STARD13: variants seen among roughly 807,000 people sequenced by gnomAD.
STARD13 encodes the protein StAR related lipid transfer domain containing 13, also known as stAR-related lipid transfer protein 13.
STARD13 carries 62 observed loss-of-function variants against 106.4 expected under a neutral mutation model. The ratio of observed to expected loss-of-function variants is 0.58; its 90% CI spans 0.48 to 0.72. The LOEUF (loss-of-function observed/expected upper bound fraction) is 0.72. Ranked by LOEUF, STARD13 falls within the 30% of genes least tolerant of loss-of-function variation. The pLI is 0.00. For synonymous variants in STARD13, 565 were observed against 553.0 expected (o/e 1.02, Z -0.31); for missense variants, 1,387 against 1,424.0 (o/e 0.97, Z 0.42).
chr13:33,473,789 T>C, the STARD13 span, among the ~76,000 whole-genome samples: 1 of 152,172 alleles, frequency 6.6e-6, no homozygotes, highest in East Asian at 1.9e-4. Flanking sequence ...CTAGGAAGAA[T>C]GGTTTTTAAC....
the STARD13 span, among the ~76,000 whole-genome samples, chr13:33,585,459 C>T: frequency 6.6e-6 from 1 of 151,990 alleles, no homozygotes; most frequent in Non-Finnish European, 1.5e-5. Context: ...TTTAGGAGGC[C>T]AAGACAGGTG....
intron 1 of STARD13, among the ~76,000 whole-genome samples, chr13:33,234,865 C>G (rs1055719505): frequency 6.6e-6 from 1 of 152,190 alleles, no homozygotes; most frequent in Non-Finnish European, 1.5e-5. Flanking sequence ...ATCTTTATTC[C>G]TTCTCTGATT....
At chr13:33,258,473 G>A (rs7326425) in intron 1 of STARD13, among the ~76,000 whole-genome samples, 30,122 of 151,076 alleles carry the variant, frequency 0.2, 3,369 homozygotes, top group African/African-American at 0.28. Flanking sequence ...TGGAGATTAG[G>A]AAGAAAGAAA....
chr13:33,185,683 G>T (rs1885691082), intron 1 of STARD13, among the ~76,000 whole-genome samples: 1 of 152,146 alleles, frequency 6.6e-6, no homozygotes, highest in African/African-American at 2.4e-5. Flanking sequence ...TGTCTAGAAT[G>T]ACATTCTTCT....
the STARD13 span, among the ~76,000 whole-genome samples, chr13:33,658,532 A>T: frequency 6.6e-6 from 1 of 152,194 alleles, no homozygotes; most frequent in African/African-American, 2.4e-5. Flanking sequence ...TCACTTGTCA[A>T]TTTAGGGACA....
chr13:33,109,639 CCA>C (rs886299361), intron 12 of STARD13, among the ~76,000 whole-genome samples: 13 of 152,184 alleles, frequency 8.5e-5, no homozygotes, highest in African/African-American at 3.1e-4. Flanking sequence ...ACTGTGTGCT[CCA>C]CAAGGAGAGG....
At chr13:33,449,729 C>A in the STARD13 span, among the ~76,000 whole-genome samples, 1 of 152,224 alleles carries the variant, frequency 6.6e-6, no homozygotes. Flanking sequence ...TATTGCAATT[C>A]ATGAACACAG....
Position 33,285,628 on chromosome 13 carries a change from T to A in STARD13, c.11A>T (p.Gln4Leu). 1 of 1,613,012 alleles carries A rather than the reference T, an allele frequency of 6.2e-7. No individual in the cohort carries two copies. Among genetic ancestry groups the A allele is most frequent in the Non-Finnish European group, 8.5e-7 (1 of 1,179,840 alleles). MFS[Q>L]VPRTPASGCY... ...GCCTGAGGCTGGGGTCCTGGGCACC[T>A]GACTGAACATCTCGGCAGATTTCCT... Residue 4 changes from glutamine to leucine, a missense_variant, in exon 1 of 14, where the codon CAG becomes CTG. Physicochemically the swap from Gln to Leu is moderately radical, Grantham distance 113. Transcript: ENST00000336934.
chr13:33,186,146 A>AGCCTCCACACTTCCTTTCCTC lies in STARD13; in HGVS notation c.170-18545_170-18525dup, dbSNP rs1566060087. 10 of 1,142,816 alleles carry AGCCTCCACACTTCCTTTCCTC rather than the reference A, an allele frequency of 8.8e-6. No homozygotes were observed. In the Admixed American group the frequency reaches 1.7e-4, roughly 19 times the overall value. The allele number at this position is 1,142,816 out of a possible 1,614,324, so 70.8% of individuals were successfully genotyped here. A position where few individuals can be genotyped will look rare whatever the true frequency, so the allele number is the denominator to read the frequency against. ...CTGCGAAGCCTCAGCTGAGATTCCA[A>AGCCTCCACACTTCCTTTCCTC]GCCTCCACACTTCCTTTCCTCATTG... On this transcript the variant is annotated intron_variant, in intron 1 of 13. Coordinates refer to ENST00000336934, the MANE Select transcript of STARD13 (RefSeq NM_178006.4).
chr13:33,112,783 C>T lies in STARD13; in HGVS notation c.2430G>A (p.Leu810=). The change falls in exon 9 of 14, where the codon CTG becomes CTA. Residue 810 remains leucine, a synonymous_variant. Transcript: ENST00000336934. The part of the protein sequence containing the change: ...VEENQMTPMN[L]AVCLAPSLFH... The stretch of plus-strand genomic sequence containing the variant: ...AGAGGGAGGGGGCCAGACACACTGC[C>T]AGGTTCATGGGCGTCATCTGATTCT... 6.2e-7 allele frequency: 1 copy of T among 1,613,670 alleles called. No homozygotes were observed. Among genetic ancestry groups the T allele is most frequent in the Non-Finnish European group, 8.5e-7 (1 of 1,179,808 alleles).
chr13:33,114,199 G>T (rs1344315127), intron 8 of STARD13, among the ~76,000 whole-genome samples: 1 of 152,086 alleles, frequency 6.6e-6, no homozygotes, highest in East Asian at 1.9e-4. Context: ...TTTGCTACTG[G>T]CAGGAGTGCA....
At chr13:33,151,935 G>C (rs1881335261) in intron 3 of STARD13, among the ~76,000 whole-genome samples, 1 of 152,194 alleles carries the variant, frequency 6.6e-6, no homozygotes, top group African/African-American at 2.4e-5. Context: ...ATGACTCCCA[G>C]ATTTCAGACT....
chr13:33,644,558 CAG>C, the STARD13 span, among the ~76,000 whole-genome samples: 2,895 of 152,144 alleles, frequency 0.019, 103 homozygotes, highest in African/African-American at 0.066. Context: ...CAGAGAAAAA[CAG>C]AGATACAATG....
chr13:33,210,371 A>G (rs1887653174), intron 1 of STARD13, among the ~76,000 whole-genome samples: 1 of 152,220 alleles, frequency 6.6e-6, no homozygotes, highest in African/African-American at 2.4e-5. Context: ...GTGCAATAAA[A>G]AAACTGCACT....
chr13:33,228,499 C>T (rs1162122845), intron 1 of STARD13, among the ~76,000 whole-genome samples: 3 of 151,912 alleles, frequency 2.0e-5, no homozygotes, highest in African/African-American at 4.8e-5. Flanking sequence ...GTGTGGACTC[C>T]TTAGTGAAAG....
intron 1 of STARD13, among the ~76,000 whole-genome samples, chr13:33,306,874 C>A (rs559325335): frequency 7.2e-5 from 11 of 151,980 alleles, no homozygotes; most frequent in Admixed American, 3.3e-4. Context: ...CACTCAAACC[C>A]GGGAGGTGGA....
At chr13:33,455,634 T>TA in the STARD13 span, among the ~76,000 whole-genome samples, 49 of 150,734 alleles carry the variant, frequency 3.3e-4, no homozygotes, top group Middle Eastern at 3.4e-3. Context: ...TTTAAATAGT[T>TA]AAAAAAAAAT....
At chr13:33,597,854 C>CA in the STARD13 span, among the ~76,000 whole-genome samples, 5,218 of 132,198 alleles carry the variant, frequency 0.039, 226 homozygotes, top group African/African-American at 0.1. Flanking sequence ...AACTCCGTCT[C>CA]AAAAAAAAAA....
the STARD13 span, among the ~76,000 whole-genome samples, chr13:33,564,950 G>A: frequency 1.5e-5 from 2 of 135,372 alleles, no homozygotes; most frequent in Non-Finnish European, 3.1e-5. Flanking sequence ...CCGAGGTCAC[G>A]CCACTGCAGT....
Sources: allele counts gnomAD v4.1 joint callset (sites outside exome capture counted in the v4.1 genomes callset), GRCh38; gene constraint gnomAD v4.1.1; transcripts MANE v1.5; gene names NCBI Gene and HGNC (gene_info 2026-07-23, HGNC 2026-07-21).